Variants in FHIT observed in about 807,000 individuals in gnomAD.
The protein encoded by FHIT is fragile histidine triad diadenosine triphosphatase, also known as bis(5'-adenosyl)-triphosphatase.
FHIT carries 19 observed loss-of-function variants against 17.9 expected under a neutral mutation model. The observed-to-expected ratio is 1.06, with a 90% CI of 0.74 to 1.56. The LOEUF is 1.56. Ranked by LOEUF, FHIT falls within the 40% of genes most tolerant of loss-of-function variation. FHIT has a pLI of 0.00. For missense variants in FHIT, 248 were observed against 189.2 expected (o/e 1.31, Z -1.82); for synonymous variants, 81 against 69.7 (o/e 1.16, Z -0.81).
chr3:59,965,137 T>C (rs1036513530), intron 7 of FHIT, among the ~76,000 whole-genome samples: 1 of 152,146 alleles, frequency 6.6e-6, no homozygotes, highest in Non-Finnish European at 1.5e-5. Context: ...AGCAAAACAA[T>C]GGTTATATTA....
chr3:61,250,438 C>A (rs1320809456), intron 1 of FHIT, among the ~76,000 whole-genome samples: 1 of 152,236 alleles, frequency 6.6e-6, no homozygotes, highest in African/African-American at 2.4e-5. Flanking sequence ...AGCAGTAAAT[C>A]TGCAAGTGGT....
At chr3:60,631,293 AT>A (rs2039435268) in intron 4 of FHIT, among the ~76,000 whole-genome samples, 1 of 152,210 alleles carries the variant, frequency 6.6e-6, no homozygotes, top group Non-Finnish European at 1.5e-5. Flanking sequence ...GCCAGATTAC[AT>A]TTGTATGAAA....
At chr3:60,149,177 T>C (rs959350781) in intron 5 of FHIT, among the ~76,000 whole-genome samples, 3 of 152,234 alleles carry the variant, frequency 2.0e-5, no homozygotes, top group African/African-American at 7.2e-5. Flanking sequence ...TTCTTTGTTT[T>C]CTTTGGCATT....
intron 7 of FHIT, among the ~76,000 whole-genome samples, chr3:59,991,551 T>C (rs925791778): frequency 1.3e-5 from 2 of 152,040 alleles, no homozygotes; most frequent in Admixed American, 1.3e-4. Context: ...GATACATTAG[T>C]ACCCCAGGCT....
intron 5 of FHIT, among the ~76,000 whole-genome samples, chr3:60,372,709 A>G (rs1458252967): frequency 6.6e-6 from 1 of 152,144 alleles, no homozygotes; most frequent in Non-Finnish European, 1.5e-5. Flanking sequence ...TGCCTCCTTT[A>G]TCTTCCATTC....
intron 5 of FHIT, among the ~76,000 whole-genome samples, chr3:60,319,171 A>C (rs1709303479): frequency 6.6e-6 from 1 of 152,196 alleles, no homozygotes; most frequent in Non-Finnish European, 1.5e-5. Context: ...ACCAGGAATT[A>C]GGACATGGAC....
chr3:60,374,668 T>A (rs983053196), intron 5 of FHIT, among the ~76,000 whole-genome samples: 2 of 151,366 alleles, frequency 1.3e-5, no homozygotes, highest in African/African-American at 4.9e-5. Context: ...AGCGTGGAGC[T>A]AGAGAATATG....
At chr3:60,672,897 G>GTGTGTGTT (rs2040541236) in intron 4 of FHIT, among the ~76,000 whole-genome samples, 3 of 151,398 alleles carry the variant, frequency 2.0e-5, no homozygotes, top group African/African-American at 7.3e-5. Flanking sequence ...GTGTGTGTGT[G>GTGTGTGTT]TGTGTGTGTG....
intron 5 of FHIT, among the ~76,000 whole-genome samples, chr3:60,394,631 C>T (rs1026650959): frequency 6.6e-6 from 1 of 152,106 alleles, no homozygotes; most frequent in African/African-American, 2.4e-5. Flanking sequence ...ATCTCTGAGC[C>T]TCAGTTTTTT....
At chr3:60,614,591 AC>A (rs1431088867) in intron 4 of FHIT, among the ~76,000 whole-genome samples, 1 of 151,670 alleles carries the variant, frequency 6.6e-6, no homozygotes, top group Non-Finnish European at 1.5e-5. Context: ...CTGGACAAGA[AC>A]AAAACACCTC....
intron 7 of FHIT, among the ~76,000 whole-genome samples, chr3:60,001,167 T>G (rs1243916687): frequency 6.6e-6 from 1 of 152,202 alleles, no homozygotes; most frequent in Admixed American, 6.5e-5. Flanking sequence ...CCCTTTCACA[T>G]AAGGGGAAGA....
At chr3:60,912,029 C>A (rs1358041324) in intron 3 of FHIT, among the ~76,000 whole-genome samples, 1 of 143,216 alleles carries the variant, frequency 7.0e-6, no homozygotes, top group Non-Finnish European at 1.5e-5. Context: ...GGTGTTTCCG[C>A]CTCTGCCTTA....
chr3:60,687,932 C>T (rs1553698798), intron 4 of FHIT, among the ~76,000 whole-genome samples: 1 of 151,790 alleles, frequency 6.6e-6, no homozygotes, highest in African/African-American at 2.4e-5. Flanking sequence ...ATTTTTATAG[C>T]CTTTGATTCT....
intron 5 of FHIT, among the ~76,000 whole-genome samples, chr3:60,424,751 A>C (rs1200482743): frequency 6.6e-6 from 1 of 152,172 alleles, no homozygotes; most frequent in Non-Finnish European, 1.5e-5. Context: ...AGAACATAGA[A>C]GAGCAACTTT....
chr3:59,929,256 A>T (rs554910366), intron 7 of FHIT, among the ~76,000 whole-genome samples: 1 of 151,460 alleles, frequency 6.6e-6, no homozygotes, highest in African/African-American at 2.4e-5. Flanking sequence ...CATTTTTCTT[A>T]TCTCTACAAC....
intron 5 of FHIT, among the ~76,000 whole-genome samples, chr3:60,415,958 ATATAT>A (rs1702234156): frequency 2.0e-5 from 3 of 149,162 alleles, no homozygotes; most frequent in African/African-American, 7.3e-5. Flanking sequence ...AAAATATATT[ATATAT>A]AATAGCTTAC....
chr3:60,342,363 C>T (rs980647896), intron 5 of FHIT, among the ~76,000 whole-genome samples: 5 of 152,330 alleles, frequency 3.3e-5, no homozygotes, highest in African/African-American at 1.2e-4. Flanking sequence ...GCAGATATAA[C>T]ACAGGGTCTG....
intron 7 of FHIT, among the ~76,000 whole-genome samples, chr3:59,976,279 C>T (rs1158591129): frequency 1.3e-5 from 2 of 151,918 alleles, no homozygotes; most frequent in East Asian, 3.9e-4. Context: ...CCCTGACTCC[C>T]CAGAAGAGAA....
intron 4 of FHIT, among the ~76,000 whole-genome samples, chr3:60,761,036 T>C (rs567206886): frequency 9.9e-4 from 151 of 152,062 alleles, no homozygotes; most frequent in Non-Finnish European, 1.8e-3. Context: ...TTATAAATTA[T>C]CCCCAGTATG....
Sources: allele counts gnomAD v4.1 joint callset (sites outside exome capture counted in the v4.1 genomes callset), GRCh38; gene constraint gnomAD v4.1.1; transcripts MANE v1.5; gene names NCBI Gene and HGNC (gene_info 2026-07-23, HGNC 2026-07-21).